WDR7: variants seen among roughly 807,000 people sequenced by gnomAD.
WDR7 encodes the protein WD repeat domain 7.
A neutral mutation model predicts 169.4 loss-of-function variants in WDR7; 46 were observed. The observed-to-expected ratio is 0.27, with a 90% confidence interval of 0.21 to 0.35. The LOEUF (loss-of-function observed/expected upper bound fraction) is 0.35, where lower values mean the gene tolerates loss of function less well. Ranked by LOEUF, WDR7 falls within the 10% of genes least tolerant of loss-of-function variation. The pLI is 1.00. For synonymous variants in WDR7, 612 were observed against 666.8 expected (o/e 0.92, Z 1.27); for missense variants, 1,534 against 1,859.3 (o/e 0.83, Z 3.22).
At chr18:56,729,576 T>G (rs972726796) in intron 13 of WDR7, among the ~76,000 whole-genome samples, 5 of 152,086 alleles carry the variant, frequency 3.3e-5, no homozygotes, top group Admixed American at 6.5e-5. Flanking sequence ...TTTTAAACAT[T>G]GTTTTTGTAA....
chr18:56,727,419 A>C (rs2026483967), intron 13 of WDR7, among the ~76,000 whole-genome samples: 1 of 152,042 alleles, frequency 6.6e-6, no homozygotes, highest in Non-Finnish European at 1.5e-5. Context: ...GAGAGTGGCT[A>C]ATTTATAAAG....
At chr18:56,821,644 C>CTAT (rs1380018275) in intron 20 of WDR7, among the ~76,000 whole-genome samples, 1 of 118,770 alleles carries the variant, frequency 8.4e-6, no homozygotes. Flanking sequence ...CCCTGCATAC[C>CTAT]CCTCCTTTTT....
At chr18:56,930,532 A>T (rs1180848493) in intron 22 of WDR7, among the ~76,000 whole-genome samples, 2 of 152,174 alleles carry the variant, frequency 1.3e-5, no homozygotes, top group Non-Finnish European at 2.9e-5. Context: ...AAAGATACAC[A>T]TTTAAGGGAG....
intron 1 of WDR7, among the ~76,000 whole-genome samples, chr18:56,662,761 A>G (rs1312862892): frequency 6.6e-6 from 1 of 152,234 alleles, no homozygotes; most frequent in Non-Finnish European, 1.5e-5. Context: ...TCAGAAAGGA[A>G]CAAGTTAAAT....
intron 20 of WDR7, among the ~76,000 whole-genome samples, chr18:56,831,791 A>C (rs968642384): frequency 6.6e-6 from 1 of 152,170 alleles, no homozygotes; most frequent in Non-Finnish European, 1.5e-5. Context: ...CATGAGGGAC[A>C]GTGCTGTCCA....
At chr18:57,010,650 A>G (rs2048123340) in intron 26 of WDR7, among the ~76,000 whole-genome samples, 1 of 152,218 alleles carries the variant, frequency 6.6e-6, no homozygotes. Flanking sequence ...TCATTTCAAC[A>G]TGCAAAGAAA....
chr18:56,703,218 G>C (rs924905706), intron 12 of WDR7, among the ~76,000 whole-genome samples: 1 of 152,150 alleles, frequency 6.6e-6, no homozygotes, highest in South Asian at 2.1e-4. Flanking sequence ...CTAGAAACAG[G>C]TATGCTAATA....
At chr18:56,741,998 GT>G (rs2144857959) in intron 14 of WDR7, among the ~76,000 whole-genome samples, 1 of 152,260 alleles carries the variant, frequency 6.6e-6, no homozygotes, top group Non-Finnish European at 1.5e-5. Context: ...TATAATAGGT[GT>G]TCAATGGATT....
chr18:56,872,594 C>T (rs527606387), intron 20 of WDR7: 47 of 152,250 alleles, frequency 3.1e-4, no homozygotes, highest in African/African-American at 1.1e-3. Context: ...AATGAGACCA[C>T]GTATCATTTT....
intron 20 of WDR7, among the ~76,000 whole-genome samples, chr18:56,852,242 T>A (rs2045651513): frequency 6.6e-6 from 1 of 152,176 alleles, no homozygotes; most frequent in African/African-American, 2.4e-5. Context: ...ACTACCTGGG[T>A]GCAGAAATTC....
chr18:56,735,039 T>A (rs929887686), intron 14 of WDR7, among the ~76,000 whole-genome samples: 5 of 152,178 alleles, frequency 3.3e-5, no homozygotes, highest in Non-Finnish European at 7.4e-5. Flanking sequence ...GCTGAATACT[T>A]TTAAAAGGAT....
At chr18:56,961,186 A>C (rs1449723210) in intron 25 of WDR7, among the ~76,000 whole-genome samples, 2 of 152,262 alleles carry the variant, frequency 1.3e-5, no homozygotes, top group Non-Finnish European at 1.5e-5. Context: ...GCTTTGTCAG[A>C]ATATCCCTGG....
intron 13 of WDR7, among the ~76,000 whole-genome samples, chr18:56,722,206 G>A (rs1250332905): frequency 1.3e-5 from 2 of 152,150 alleles, no homozygotes; most frequent in African/African-American, 4.8e-5. Context: ...TACAAGTAAA[G>A]TCTTAGTGAC....
downstream of WDR7, chr18:57,032,808 T>TATATATATATATAC (rs2048448984): frequency 6.5e-5 from 1 of 15,376 alleles, no homozygotes; most frequent in Non-Finnish European, 1.1e-4. Flanking sequence ...ATTTTATATA[T>TATATATATATATAC]ATATATATAT....
At chr18:56,717,500 G>A (rs1180174057) in intron 12 of WDR7, among the ~76,000 whole-genome samples, 3 of 152,294 alleles carry the variant, frequency 2.0e-5, no homozygotes, top group African/African-American at 2.4e-5. Context: ...GCAGAGGGAC[G>A]GTGAGGGTAT....
At chr18:56,844,882 G>C (rs1002525519) in intron 20 of WDR7, among the ~76,000 whole-genome samples, 1 of 152,098 alleles carries the variant, frequency 6.6e-6, no homozygotes, top group Non-Finnish European at 1.5e-5. Flanking sequence ...AATACAGTAA[G>C]ATATTTAGAG....
At chr18:56,812,284 T>A (rs2044882564) in intron 19 of WDR7, among the ~76,000 whole-genome samples, 1 of 152,244 alleles carries the variant, frequency 6.6e-6, no homozygotes, top group African/African-American at 2.4e-5. Context: ...ATTACTAACA[T>A]ATAGAAATAG....
chr18:56,880,837 G>A (rs2046096023), intron 21 of WDR7, among the ~76,000 whole-genome samples: 1 of 152,076 alleles, frequency 6.6e-6, no homozygotes, highest in African/African-American at 2.4e-5. Context: ...TAATAGGTAA[G>A]GGTGCTTTAA....
At chr18:56,899,910 A>G (rs941404528) in intron 21 of WDR7, among the ~76,000 whole-genome samples, 7 of 151,950 alleles carry the variant, frequency 4.6e-5, no homozygotes, top group Non-Finnish European at 8.8e-5. Context: ...TAAGAATTCA[A>G]TATGTGCTTT....
Sources: gnomAD v4.1 joint callset for allele counts (sites outside exome capture counted in the v4.1 genomes callset) on GRCh38, gnomAD v4.1.1 for gene constraint, MANE v1.5 for transcripts, NCBI Gene and HGNC (gene_info 2026-07-23, HGNC 2026-07-21) for gene names.